The following ARHGAP35 variants were observed in gnomAD, a reference collection of about 807,000 sequenced individuals.
ARHGAP35 encodes the protein rho GTPase-activating protein 35.
In ARHGAP35, 15 loss-of-function variants were observed where a neutral mutation model predicts 111.1. The observed-to-expected ratio is 0.13, with a 90% confidence interval of 0.09 to 0.21. The LOEUF is 0.21. ARHGAP35 is among the 10% of genes least tolerant of loss of function. ARHGAP35 has a pLI of 1.00. For missense variants in ARHGAP35, 1,262 were observed against 1,873.0 expected (o/e 0.67, Z 6.02); for synonymous variants, 643 against 710.3 (o/e 0.91, Z 1.51).
Position 46,919,009 on chromosome 19 carries a change from G to A in ARHGAP35, c.334G>A (p.Ala112Thr), listed in dbSNP as rs770532433. Residue 112 changes from alanine to threonine, a missense_variant, in exon 2 of 7, where the codon GCC becomes ACC. Transcript: ENST00000672722. This position sits in a 1 kb window ranked among gnomAD's most constrained non-coding sequence, Gnocchi z 6.2. Reference protein sequence around the residue: ...DQTFQPHRSTALQPYIKRAAA... With the variant: ...DQTFQPHRSTTLQPYIKRAAA... ...GACTTTTCAACCTCATCGAAGCACG[G>A]CCCTGCAGCCCTATATCAAGAGAGC... 1.1e-5 allele frequency: 18 copies of A among 1,613,858 alleles called. No individual in the cohort carries two copies. Among genetic ancestry groups the A allele is most frequent in the Non-Finnish European group, 1.4e-5 (17 of 1,179,896 alleles).
intron 2 of ARHGAP35, among the ~76,000 whole-genome samples, chr19:46,934,143 A>G (rs370928030): frequency 9.8e-4 from 149 of 152,346 alleles, no homozygotes; most frequent in Non-Finnish European, 1.5e-3. Flanking sequence ...AAAAACTTCA[A>G]TGATAGAAGA....
intron 3 of ARHGAP35, among the ~76,000 whole-genome samples, chr19:46,938,465 T>A (rs2056323654): frequency 6.6e-6 from 1 of 152,136 alleles, no homozygotes; most frequent in Non-Finnish European, 1.5e-5. Context: ...GCGATTCTCC[T>A]GCTTCAGCCT....
intron 3 of ARHGAP35, among the ~76,000 whole-genome samples, chr19:46,981,799 T>C (rs1423673271): frequency 6.6e-6 from 1 of 151,902 alleles, no homozygotes; most frequent in East Asian, 1.9e-4. Flanking sequence ...CCGTCTAGTC[T>C]TCCTATGTCA....
chr19:46,867,778 T>TG (rs1568456858), intron 1 of ARHGAP35, among the ~76,000 whole-genome samples: 58 of 151,400 alleles, frequency 3.8e-4, no homozygotes, highest in African/African-American at 1.2e-3. Flanking sequence ...TTGTTGTTGT[T>TG]TTTTTTTTGG....
chr19:46,907,187 G>A lies in ARHGAP35; in HGVS notation c.-188-11301G>A, dbSNP rs1599810378. Among the ~76,000 whole-genome samples the A allele has an allele frequency of 3.3e-5, 5 of 151,852 alleles. No homozygotes were observed. The South Asian group carries it at 1.0e-3, about 32-fold the overall frequency. ...TTTTGAGACGGAGTCTCGTTCTGTC[G>A]CCAGGCTGGAGTGCAGTGGCACGAT... On this transcript the variant is annotated intron_variant, in intron 1 of 6. Transcript: ENST00000672722.
chr19:46,959,852 C>G (rs1020791229), intron 3 of ARHGAP35, among the ~76,000 whole-genome samples: 1 of 151,926 alleles, frequency 6.6e-6, no homozygotes, highest in East Asian at 1.9e-4. Flanking sequence ...TCCCAGCATG[C>G]TGGGAGGCAG....
chr19:46,878,221 C>T (rs2055937269), intron 1 of ARHGAP35, among the ~76,000 whole-genome samples: 1 of 151,278 alleles, frequency 6.6e-6, no homozygotes, highest in South Asian at 2.1e-4. Flanking sequence ...CGGGATTTCT[C>T]CACATTGACC....
intron 3 of ARHGAP35, among the ~76,000 whole-genome samples, chr19:46,960,175 T>C (rs1163956706): frequency 6.6e-6 from 1 of 152,026 alleles, no homozygotes. Flanking sequence ...TGTGTGCTTA[T>C]GCCCTTTTCC....
chr19:46,938,904 C>T (rs554991941), intron 3 of ARHGAP35, among the ~76,000 whole-genome samples: 30 of 152,250 alleles, frequency 2.0e-4, no homozygotes, highest in African/African-American at 7.2e-4. Flanking sequence ...ATCCGCCCAC[C>T]TCAGCCTGCC....
intron 3 of ARHGAP35, among the ~76,000 whole-genome samples, chr19:46,956,509 T>C: frequency 6.7e-6 from 1 of 149,360 alleles, no homozygotes; most frequent in Non-Finnish European, 1.5e-5. Context: ...AACCTCCGCC[T>C]CCCATGTTCA....
intron 2 of ARHGAP35, among the ~76,000 whole-genome samples, chr19:46,931,698 G>T (rs887171954): frequency 3.9e-5 from 6 of 152,162 alleles, no homozygotes; most frequent in Non-Finnish European, 5.9e-5. Flanking sequence ...CCAAGGTGAA[G>T]GTGTTTCAGG....
chr19:46,862,585 G>GT (rs1224143571), intron 1 of ARHGAP35, among the ~76,000 whole-genome samples: 2 of 151,558 alleles, frequency 1.3e-5, no homozygotes, highest in Non-Finnish European at 2.9e-5. Flanking sequence ...CTTTCTTCTC[G>GT]TTTTTTTCAA....
chr19:46,952,404 T>A (rs540884860), intron 3 of ARHGAP35, among the ~76,000 whole-genome samples: 1 of 152,382 alleles, frequency 6.6e-6, no homozygotes, highest in Non-Finnish European at 1.5e-5. Context: ...AAAAAGTTCC[T>A]GCAAAATAAT....
intron 1 of ARHGAP35, among the ~76,000 whole-genome samples, chr19:46,882,138 CTTT>C (rs111690310): frequency 6.9e-6 from 1 of 144,010 alleles, no homozygotes; most frequent in South Asian, 2.2e-4. Flanking sequence ...CTTTCTTTCC[CTTT>C]TTTTTTTTTT....
intron 1 of ARHGAP35, among the ~76,000 whole-genome samples, chr19:46,873,349 C>A (rs2055897848): frequency 6.6e-6 from 1 of 151,614 alleles, no homozygotes; most frequent in African/African-American, 2.4e-5. Flanking sequence ...AGAAAGGAGC[C>A]GGCTGGGCAT....
rs147307633 is a variant in ARHGAP35, at chr19:46,998,034, G to A, written c.4037-1270G>A. 4.3e-3 allele frequency among the ~76,000 whole-genome samples: 659 copies of A among 152,084 alleles called. 5 individuals carry two copies. Among genetic ancestry groups the A allele is most frequent in the African/African-American group, 0.015 (615 of 41,460 alleles). On this transcript the variant is annotated intron_variant, in intron 5 of 6. Coordinates refer to ENST00000672722, the MANE Select transcript of ARHGAP35 (RefSeq NM_004491.5). ...GGAGAATGGTGTGAACTCAGGAGGCGGAGCTTGCAGTGAGCCGACATCGCA... is the reference window on the plus strand; with the variant it reads ...GGAGAATGGTGTGAACTCAGGAGGCAGAGCTTGCAGTGAGCCGACATCGCA...
rs542904475 is a variant in ARHGAP35, at chr19:46,882,708, T to C, written c.-189+21499T>C. 1.7e-3 allele frequency among the ~76,000 whole-genome samples: 262 copies of C among 152,298 alleles called. 2 individuals are homozygous for C. The highest frequency in any genetic ancestry group is 6.0e-3 in the African/African-American group (250 of 41,560). ...TGATGTTCCCCTCCCTGTGTCCATA[T>C]GTTCTCATTGTTCAACTCCCACTTT... On this transcript the variant is annotated intron_variant, in intron 1 of 6. Transcript: ENST00000672722.
At position 47,004,091 on chromosome 19, in the gene ARHGAP35, C is replaced by T. The variant is rs2122377717; in HGVS notation, c.*3403C>T. The T allele has an allele frequency of 6.6e-6, 1 of 152,438 alleles. No individual in the cohort carries two copies. Among genetic ancestry groups the T allele is most frequent in the Middle Eastern group, 3.4e-3 (1 of 296 alleles). 9.4% of individuals were successfully genotyped at this position (152,438 alleles called of 1,614,324 possible). A position where few individuals can be genotyped will look rare whatever the true frequency, so the allele number is the denominator to read the frequency against. ...TAGGGTGCGGTGGCCAGGAGGGCCC[C>T]TGCCGCGCGGGGGGCTGGGTCTGGT... On this transcript the variant is annotated 3_prime_UTR_variant, in exon 7 of 7. Coordinates refer to ENST00000672722, the MANE Select transcript of ARHGAP35 (RefSeq NM_004491.5).
At chr19:46,865,314 G>A (rs1364371138) in intron 1 of ARHGAP35, among the ~76,000 whole-genome samples, 1 of 152,146 alleles carries the variant, frequency 6.6e-6, no homozygotes, top group Non-Finnish European at 1.5e-5. Context: ...AAACTAATCT[G>A]ATCAAAGTTC....
Sources: gnomAD v4.1 joint callset for allele counts (sites outside exome capture counted in the v4.1 genomes callset) on GRCh38, gnomAD v4.1.1 for gene constraint, Gnocchi (gnomAD v3.1) non-coding constraint, MANE v1.5 for transcripts, NCBI Gene and HGNC (gene_info 2026-07-23, HGNC 2026-07-21) for gene names.